ZNF667: variants seen among roughly 807,000 people sequenced by gnomAD.
ZNF667 encodes the protein myocardial ischemic preconditioning upregulated 1 ortholog.
Under a neutral mutation model 31.8 loss-of-function variants are expected in ZNF667, and 13 were observed. The observed-to-expected ratio is 0.41, with a 90% CI of 0.27 to 0.65. The LOEUF (loss-of-function observed/expected upper bound fraction) is 0.65, where lower values mean the gene tolerates loss of function less well. Among genes scored for constraint, ZNF667 ranks in the 30% least tolerant of loss-of-function variants. The pLI, the probability that ZNF667 is intolerant of heterozygous loss-of-function variation, is 0.32. For missense variants in ZNF667, 642 were observed against 725.6 expected (o/e 0.88, Z 1.32); for synonymous variants, 228 against 247.1 (o/e 0.92, Z 0.73).
chr19:56,455,257 T>TG (rs34960732), intron 6 of ZNF667, among the ~76,000 whole-genome samples: 9 of 152,120 alleles, frequency 5.9e-5, no homozygotes, highest in South Asian at 4.1e-4. Context: ...GACAACAGTA[T>TG]GGGGGGGTTC....
At chr19:56,460,162 C>G (rs568537562) in intron 5 of ZNF667, among the ~76,000 whole-genome samples, 13 of 151,984 alleles carry the variant, frequency 8.6e-5, no homozygotes, top group Admixed American at 2.0e-4. Context: ...TGAAAACAAC[C>G]CAAATGCCCA....
intron 3 of ZNF667, among the ~76,000 whole-genome samples, chr19:56,464,875 C>G (rs77219606): frequency 0.019 from 2,944 of 152,282 alleles, 100 homozygotes; most frequent in African/African-American, 0.066. Context: ...GTGCTGAAAC[C>G]CCATCCCAGA....
intron 1 of ZNF667, among the ~76,000 whole-genome samples, chr19:56,476,694 C>T (rs1483172426): frequency 6.6e-6 from 1 of 152,174 alleles, no homozygotes; most frequent in Non-Finnish European, 1.5e-5. Flanking sequence ...AGAATTCTTC[C>T]CCTGTGGGCC....
chr19:56,468,819 G>A (rs1463860873), intron 3 of ZNF667: 2 of 152,226 alleles, frequency 1.3e-5, no homozygotes, highest in African/African-American at 2.4e-5. Context: ...TTTATAAAAC[G>A]GAGGCAGGAG....
At chr19:56,458,350 G>A in intron 5 of ZNF667, 103 bp from the exon 6 acceptor site, 2 of 895,146 alleles carry the variant, frequency 2.2e-6, no homozygotes, top group Non-Finnish European at 3.6e-6. Context: ...AGCATGAAGG[G>A]AGCACAGAGG....
intron 6 of ZNF667, among the ~76,000 whole-genome samples, chr19:56,457,898 T>C (rs528403787): frequency 3.9e-5 from 6 of 152,304 alleles, no homozygotes; most frequent in African/African-American, 1.4e-4. Flanking sequence ...ATATCATCTA[T>C]AATCACCTAT....
chr19:56,470,800 CT>C (rs2043276612), intron 3 of ZNF667, among the ~76,000 whole-genome samples: 1 of 152,134 alleles, frequency 6.6e-6, no homozygotes, highest in Admixed American at 6.5e-5. Flanking sequence ...GCGAGGTTTC[CT>C]TCGTACAGAG....
chr19:56,442,258 A>AT lies in ZNF667; in HGVS notation c.736dup (p.Ile246AsnfsTer27). ...CTGGCAGACATTCCCAACAACATGA[A>AT]TTTTCTGATGTATATTGAAAGACTG... On this transcript the variant is annotated frameshift_variant, in exon 7 of 7. Coordinates refer to ENST00000504904, the MANE Select transcript of ZNF667 (RefSeq NM_001321356.2). LOFTEE classifies it low-confidence loss of function (END_TRUNC). 1 of 1,614,080 alleles carries AT rather than the reference A, an allele frequency of 6.2e-7. No homozygotes were observed. Among genetic ancestry groups the AT allele is most frequent in the Non-Finnish European group, 8.5e-7 (1 of 1,180,016 alleles).
chr19:56,441,685 T>C lies in ZNF667; in HGVS notation c.1310A>G (p.His437Arg). The change falls in exon 7 of 7, where the codon CAT becomes CGT. Residue 437 changes from histidine to arginine, a missense_variant. By Grantham distance (29) the His-to-Arg change is conservative. Transcript: ENST00000504904. This position sits in a 1 kb window ranked among gnomAD's most constrained non-coding sequence, Gnocchi z 4.2. ...TANLKIHQNI[H>R]SEEKPFKCNK... Reference sequence around the variant, plus strand: ...GCATTTGAAAGGTTTCTCTTCAGAATGAATATTCTGATGTATTTTAAGGTT... The same window carrying C: ...GCATTTGAAAGGTTTCTCTTCAGAACGAATATTCTGATGTATTTTAAGGTT... 1 of 1,614,196 alleles carries C rather than the reference T, an allele frequency of 6.2e-7. No homozygotes were observed. The highest frequency in any genetic ancestry group is 8.5e-7 in the Non-Finnish European group (1 of 1,180,038).
At position 56,441,165 on chromosome 19, in the gene ZNF667, G is replaced by C. The variant is rs1323620268; in HGVS notation, c.1830C>G (p.Ala610=). The C allele has an allele frequency of 1.2e-6, 2 of 1,600,760 alleles. No homozygotes were observed. The highest frequency in any genetic ancestry group is 1.1e-5 in the South Asian group (1 of 90,200). The change falls in exon 7 of 7, where the codon GCC becomes GCG. Residue 610 remains alanine (A), a synonymous_variant. Transcript: ENST00000504904. The surrounding 1 kb of genome is among the most constrained non-coding windows in gnomAD (Gnocchi z 4.2). ...ATTTTATAGATTTAAAACAACCTTAGGCTTTTTCTTCAGAATGTGTATTCT... is the reference window on the plus strand; with the variant it reads ...ATTTTATAGATTTAAAACAACCTTACGCTTTTTCTTCAGAATGTGTATTCT... ...RHQNTHSEEK[A] is the part of the protein sequence containing the mutation.
chr19:56,443,842 T>C (rs959828743), intron 6 of ZNF667, among the ~76,000 whole-genome samples: 2 of 152,252 alleles, frequency 1.3e-5, no homozygotes, highest in African/African-American at 4.8e-5. Context: ...CAAGGTGATA[T>C]AAAATAACTA....
chr19:56,457,265 G>T (rs1228444621), intron 6 of ZNF667, among the ~76,000 whole-genome samples: 1 of 152,156 alleles, frequency 6.6e-6, no homozygotes, highest in Non-Finnish European at 1.5e-5. Context: ...ATGCAGATTT[G>T]AATGTTATCG....
chr19:56,465,556 G>C (rs1469395081), intron 3 of ZNF667, among the ~76,000 whole-genome samples: 2 of 152,230 alleles, frequency 1.3e-5, no homozygotes, highest in African/African-American at 4.8e-5. Flanking sequence ...CACATCTGGT[G>C]GCAAGTCCAG....
Position 56,465,719 on chromosome 19 carries a change from C to T in ZNF667, c.-59-3290G>A, listed in dbSNP as rs2043144456. ...TCTTAACCCTACTGTGTGGCACCCTCCCCTCTGCCCATGTCAGAGGAAACA... is the reference window on the plus strand; with the variant it reads ...TCTTAACCCTACTGTGTGGCACCCTTCCCTCTGCCCATGTCAGAGGAAACA... On this transcript the variant is annotated intron_variant, in intron 3 of 6. Coordinates refer to ENST00000504904, the MANE Select transcript of ZNF667 (RefSeq NM_001321356.2). Among the ~76,000 whole-genome samples, 5 of 152,326 alleles carry T rather than the reference C, an allele frequency of 3.3e-5. No individual in the cohort carries two copies. In the South Asian group the frequency reaches 8.3e-4, roughly 25 times the overall value.
At position 56,447,388 on chromosome 19, in the gene ZNF667, T is replaced by C. The variant is rs567283363; in HGVS notation, c.254-4647A>G. 7.2e-5 allele frequency among the ~76,000 whole-genome samples: 11 copies of C among 152,298 alleles called. No homozygotes were observed. In the East Asian group the frequency reaches 1.5e-3, roughly 21 times the overall value. On this transcript the variant is annotated intron_variant, in intron 6 of 6. Coordinates refer to ENST00000504904, the MANE Select transcript of ZNF667 (RefSeq NM_001321356.2). ...AACAGAAAACAAATGCTAGTAAATC[T>C]ACAAGAAAGATTTATGGCCTATCCA...
rs772535492 is a variant in ZNF667, at chr19:56,462,383, C to A, written c.-13G>T. 19 of 1,614,198 alleles carry A rather than the reference C, an allele frequency of 1.2e-5. No individual in the cohort carries two copies. The highest frequency in any genetic ancestry group is 1.5e-5 in the Non-Finnish European group (18 of 1,180,032). On this transcript the variant is annotated 5_prime_UTR_variant, in exon 4 of 7. It adds an upstream start codon to the 5' untranslated region. Transcript: ENST00000504904. Reference sequence around the variant, plus strand: ...GTGCAGAAGGCATCCTTTCCTCCCCCTTTAGGGTCCACACTGAGAGATGGG... The same window carrying A: ...GTGCAGAAGGCATCCTTTCCTCCCCATTTAGGGTCCACACTGAGAGATGGG...
rs542272761 is a variant in ZNF667 at position 56,442,723 on chromosome 19, T to G, written c.272A>C (p.Glu91Ala). Residue 91 changes from glutamate to alanine, a missense_variant, in exon 7 of 7, where the codon GAG becomes GCG. Physicochemically the swap from Glu to Ala is moderately radical, Grantham distance 107. Coordinates refer to ENST00000504904, the MANE Select transcript of ZNF667 (RefSeq NM_001321356.2). The stretch of plus-strand genomic sequence containing the variant: ...TTGATTTGGAGGTAACTTCTTGGTC[T>G]CACATTTAGACCCCGAGTCTGAAAG... ...RRAPDSGSKC[E>A]TKKLPPNQCN... 6.3e-7 allele frequency: 1 copy of G among 1,589,544 alleles called. No homozygotes were observed. Among genetic ancestry groups the G allele is most frequent in the South Asian group, 1.1e-5 (1 of 87,624 alleles).
chr19:56,464,112 G>C (rs1208161384), intron 3 of ZNF667, among the ~76,000 whole-genome samples: 2 of 152,056 alleles, frequency 1.3e-5, no homozygotes, highest in Non-Finnish European at 2.9e-5. Context: ...GACTCAGTAT[G>C]AAAAAATGTA....
chr19:56,444,131 C>A (rs1346577408), intron 6 of ZNF667: 1 of 397,654 alleles, frequency 2.5e-6, no homozygotes, highest in Admixed American at 4.4e-5. Flanking sequence ...TTAATTTTAC[C>A]TGTTTGTATT....
Sources: allele counts gnomAD v4.1 joint callset (sites outside exome capture counted in the v4.1 genomes callset), GRCh38; gene constraint gnomAD v4.1.1; non-coding constraint Gnocchi (gnomAD v3.1); transcripts MANE v1.5; gene names NCBI Gene and HGNC (gene_info 2026-07-23, HGNC 2026-07-21).